TMTC1: variants seen among roughly 807,000 people sequenced by gnomAD.
TMTC1 encodes the protein protein O-mannosyl-transferase TMTC1.
TMTC1 carries 73 observed loss-of-function variants against 104.8 expected under a neutral mutation model. That is an observed-to-expected ratio of 0.70 (90% CI 0.58 to 0.85). The LOEUF is 0.85. Among genes scored for constraint, TMTC1 ranks in the 40% least tolerant of loss-of-function variants. The probability of loss-of-function intolerance (pLI) is 0.00; values close to 1 mark genes in which losing one functional copy is unlikely to be tolerated. For synonymous variants in TMTC1, 434 were observed against 428.7 expected (o/e 1.01, Z -0.15); for missense variants, 1,035 against 1,096.1 (o/e 0.94, Z 0.79).
chr12:29,599,284 G>A (rs1407485647), intron 7 of TMTC1, among the ~76,000 whole-genome samples: 1 of 152,190 alleles, frequency 6.6e-6, no homozygotes, highest in Admixed American at 6.5e-5. Context: ...AATGATTTCA[G>A]CCCCAAACTC....
chr12:29,636,801 T>C (rs1319888452), intron 5 of TMTC1, among the ~76,000 whole-genome samples: 1 of 151,798 alleles, frequency 6.6e-6, no homozygotes, highest in Non-Finnish European at 1.5e-5. Flanking sequence ...TCTGAGCACC[T>C]TGGGAGGCCT....
chr12:29,588,424 C>A (rs767573571), intron 7 of TMTC1, among the ~76,000 whole-genome samples: 2 of 152,172 alleles, frequency 1.3e-5, no homozygotes, highest in African/African-American at 4.8e-5. Context: ...GCCTGCTTTG[C>A]CCCCTGTTCC....
At chr12:29,648,917 C>T (rs1591860279) in intron 5 of TMTC1, among the ~76,000 whole-genome samples, 2 of 152,076 alleles carry the variant, frequency 1.3e-5, no homozygotes, top group African/African-American at 2.4e-5. Context: ...CAGCACATGG[C>T]CATTGGAACT....
intron 11 of TMTC1, among the ~76,000 whole-genome samples, chr12:29,527,201 GT>G (rs1355267357): frequency 6.6e-6 from 1 of 152,186 alleles, no homozygotes. Flanking sequence ...TAATTAAAAG[GT>G]TTTAAAAAGC....
chr12:29,738,588 A>G (rs75124302), intron 5 of TMTC1, among the ~76,000 whole-genome samples: 4,745 of 152,328 alleles, frequency 0.031, 108 homozygotes, highest in East Asian at 0.068. Context: ...TGCCAAGAAG[A>G]AAAGCAATTA....
At position 29,555,925 on chromosome 12, in the gene TMTC1, A is replaced by G. The variant is rs930289737; in HGVS notation, c.1676+932T>C. Among the ~76,000 whole-genome samples the G allele has an allele frequency of 1.1e-4, 11 of 104,722 alleles. No homozygotes were observed. In the Admixed American group the frequency reaches 1.1e-3, roughly 10 times the overall value. The allele number at this position is 104,722 out of a possible 152,430, so 68.7% of individuals were successfully genotyped here. A position where few individuals can be genotyped will look rare whatever the true frequency, so the allele number is the denominator to read the frequency against. ...ACTGTCTTCCACAATGGTTGAACTA[A>G]CTTACACTCCCACCAACAGCAACCA... On this transcript the variant is annotated intron_variant, in intron 10 of 17. Transcript: ENST00000539277.
At chr12:29,709,921 A>G (rs901058882) in intron 5 of TMTC1, among the ~76,000 whole-genome samples, 7 of 152,226 alleles carry the variant, frequency 4.6e-5, no homozygotes, top group Non-Finnish European at 8.8e-5. Flanking sequence ...GTGCTTTCCA[A>G]TCGCAGAACA....
chr12:29,784,484 T>G (rs1943911865), upstream of TMTC1: 1 of 152,272 alleles, frequency 6.6e-6, no homozygotes. Context: ...GCGTCCCGCT[T>G]GGCGGAGGAA....
intron 11 of TMTC1, among the ~76,000 whole-genome samples, chr12:29,525,574 C>G (rs574458441): frequency 6.8e-6 from 1 of 147,772 alleles, no homozygotes; most frequent in East Asian, 2.1e-4. Flanking sequence ...AGTCACTGAT[C>G]ATGAAAAGCC....
chr12:29,710,536 T>A (rs1941872431), intron 5 of TMTC1, among the ~76,000 whole-genome samples: 1 of 146,234 alleles, frequency 6.8e-6, no homozygotes. Context: ...AAAATATATA[T>A]ATCCTTATAT....
intron 10 of TMTC1, among the ~76,000 whole-genome samples, chr12:29,536,937 T>C (rs867741422): frequency 1.2e-4 from 19 of 152,226 alleles, no homozygotes; most frequent in African/African-American, 4.3e-4. Flanking sequence ...TCTTCTTCAT[T>C]TGGTTCTTCC....
intron 2 of TMTC1, among the ~76,000 whole-genome samples, chr12:29,763,209 AAAG>A (rs1277809951): frequency 6.6e-6 from 1 of 152,204 alleles, no homozygotes; most frequent in Non-Finnish European, 1.5e-5. Context: ...GCCCAGATAT[AAAG>A]AATGTAGTGT....
In TMTC1 at chr12:29,783,320, G is replaced by A. The variant is rs1026351660; in HGVS notation, c.302+130C>T. 3 of 789,506 alleles carry A rather than the reference G, an allele frequency of 3.8e-6. No homozygotes were observed. Among genetic ancestry groups the A allele is most frequent in the Admixed American group, 8.6e-5 (2 of 23,258 alleles). 48.9% of individuals were successfully genotyped at this position (789,506 alleles called of 1,614,324 possible). A position where few individuals can be genotyped will look rare whatever the true frequency, so the allele number is the denominator to read the frequency against. On this transcript the variant is annotated intron_variant, in intron 1 of 17. Transcript: ENST00000539277. The surrounding 1 kb of genome is among the most constrained non-coding windows in gnomAD (Gnocchi z 4.7). Reference sequence around the variant, plus strand: ...AAAGTGCCATGCACATCCTGGAGAGGAGGGAGGCGTGGAGGGAAAGGGCGG... The same window carrying A: ...AAAGTGCCATGCACATCCTGGAGAGAAGGGAGGCGTGGAGGGAAAGGGCGG...
At chr12:29,575,772 T>G (rs1222327810) in intron 8 of TMTC1, among the ~76,000 whole-genome samples, 2 of 152,214 alleles carry the variant, frequency 1.3e-5, no homozygotes, top group Non-Finnish European at 2.9e-5. Flanking sequence ...GAGGACGGAT[T>G]GCTGGATCAC....
chr12:29,593,471 GT>G (rs1288022117), intron 7 of TMTC1, among the ~76,000 whole-genome samples: 2 of 152,108 alleles, frequency 1.3e-5, no homozygotes, highest in South Asian at 2.1e-4. Flanking sequence ...TTCATTATAA[GT>G]TTTTTAAGAG....
At chr12:29,690,778 A>G (rs897825764) in intron 5 of TMTC1, among the ~76,000 whole-genome samples, 2 of 152,224 alleles carry the variant, frequency 1.3e-5, no homozygotes, top group Non-Finnish European at 2.9e-5. Context: ...TTGGGAAAAT[A>G]TTTGTTACCC....
chr12:29,769,066 T>C (rs1191836448), intron 1 of TMTC1, among the ~76,000 whole-genome samples: 1 of 152,192 alleles, frequency 6.6e-6, no homozygotes, highest in East Asian at 1.9e-4. Flanking sequence ...CTCAGGCCTT[T>C]GATCTGCTTC....
chr12:29,642,575 G>C (rs944425308), intron 5 of TMTC1, among the ~76,000 whole-genome samples: 1 of 151,966 alleles, frequency 6.6e-6, no homozygotes, highest in Admixed American at 6.6e-5. Flanking sequence ...ATCACTACAA[G>C]AACTGCTAAA....
chr12:29,603,098 T>A (rs965790749), intron 7 of TMTC1, among the ~76,000 whole-genome samples: 11 of 152,114 alleles, frequency 7.2e-5, no homozygotes, highest in Non-Finnish European at 8.8e-5. Context: ...TCTGTCCTTA[T>A]TGAATAGTAT....
Sources: gnomAD v4.1 joint callset for allele counts (sites outside exome capture counted in the v4.1 genomes callset) on GRCh38, gnomAD v4.1.1 for gene constraint, Gnocchi (gnomAD v3.1) non-coding constraint, MANE v1.5 for transcripts, NCBI Gene and HGNC (gene_info 2026-07-23, HGNC 2026-07-21) for gene names.